Variants in GNA13 observed in about 807,000 individuals in gnomAD.
GNA13 encodes the protein guanine nucleotide-binding protein subunit alpha-13.
GNA13 carries 4 observed loss-of-function variants against 33.5 expected under a neutral mutation model. That is an observed-to-expected ratio of 0.12 (90% CI 0.06 to 0.27). The LOEUF (loss-of-function observed/expected upper bound fraction) is 0.27. Among genes scored for constraint, GNA13 ranks in the 10% least tolerant of loss-of-function variants. GNA13 has a pLI of 1.00. For missense variants in GNA13, 319 were observed against 487.2 expected, an observed-to-expected ratio of 0.65 and a Z score of 3.25; for synonymous variants, 176 against 183.8, an observed-to-expected ratio of 0.96 and a Z score of 0.34.
chr17:65,031,800 T>C (rs1036575968), intron 2 of GNA13, among the ~76,000 whole-genome samples: 1 of 148,768 alleles, frequency 6.7e-6, no homozygotes, highest in African/African-American at 2.5e-5. Context: ...TTCCAGCTAC[T>C]CAGGAGGCTG....
At position 65,009,632 on chromosome 17, in the gene GNA13, C is replaced by T. The variant is rs78234127; in HGVS notation, c.*4625G>A. 1.7e-3 allele frequency among the ~76,000 whole-genome samples: 264 copies of T among 152,186 alleles called. 1 individual carries two copies. Among genetic ancestry groups the T allele is most frequent in the African/African-American group, 5.9e-3 (244 of 41,534 alleles). On this transcript the variant is annotated 3_prime_UTR_variant, in exon 4 of 4. Coordinates refer to ENST00000439174, the MANE Select transcript of GNA13 (RefSeq NM_006572.6). ...CATGTTTTGTTAGGTACAGTATCTA[C>T]GGGGTTATTACAAAATATACTTTTT... is the stretch of plus-strand genomic sequence containing the variant.
At chr17:65,056,151 C>CA (rs1384205803) in intron 1 of GNA13, among the ~76,000 whole-genome samples, 160 bp downstream of exon 1, 4 of 151,822 alleles carry the variant, frequency 2.6e-5, no homozygotes, top group African/African-American at 9.7e-5. Flanking sequence ...CCCGGGCGGG[C>CA]AGGGCCAGTT....
Position 65,012,397 on chromosome 17 carries a change from A to G in GNA13, c.*1860T>C, listed in dbSNP as rs1040303354. Reference sequence around the variant, plus strand: ...CAATTATGCTAATTTTGTGAATTTAAACAATGTATTCTTTTTGGCAAGAAG... The same window carrying G: ...CAATTATGCTAATTTTGTGAATTTAGACAATGTATTCTTTTTGGCAAGAAG... On this transcript the variant is annotated 3_prime_UTR_variant, in exon 4 of 4. Transcript: ENST00000439174. 2 of 222,388 alleles carry G rather than the reference A, an allele frequency of 9.0e-6. No homozygotes were observed. The highest frequency in any genetic ancestry group is 1.8e-5 in the Non-Finnish European group (2 of 111,428). 13.8% of individuals were successfully genotyped at this position (222,388 alleles called of 1,614,324 possible).
At chr17:65,043,965 C>CA (rs1459669217) in intron 2 of GNA13, among the ~76,000 whole-genome samples, 1 of 152,024 alleles carries the variant, frequency 6.6e-6, no homozygotes, top group South Asian at 2.1e-4. Context: ...CTGAAAATAA[C>CA]AAAAAAACTA....
At chr17:65,039,514 C>A (rs538916286) in intron 2 of GNA13, among the ~76,000 whole-genome samples, 1 of 152,322 alleles carries the variant, frequency 6.6e-6, no homozygotes, top group South Asian at 2.1e-4. Context: ...CACTCCTCCA[C>A]CCTGGCCTGG....
intron 2 of GNA13, among the ~76,000 whole-genome samples, chr17:65,026,539 G>T (rs1906791119): frequency 6.6e-6 from 1 of 152,068 alleles, no homozygotes; most frequent in African/African-American, 2.4e-5. Flanking sequence ...TATAATTAAA[G>T]AAATAATTTT....
intron 3 of GNA13, among the ~76,000 whole-genome samples, chr17:65,016,540 C>T (rs554331213): frequency 6.6e-6 from 1 of 152,170 alleles, no homozygotes; most frequent in Admixed American, 6.5e-5. Flanking sequence ...CTTTGTATTT[C>T]TAGTAAAGAC....
chr17:65,010,046 A>C lies in GNA13; in HGVS notation c.*4211T>G, dbSNP rs1598475167. ...ACAGCAGATTTGTATATGTCACAAAACTCTCCTTATCAAGACATAAAATAT... is the reference window on the plus strand; with the variant it reads ...ACAGCAGATTTGTATATGTCACAAACCTCTCCTTATCAAGACATAAAATAT... On this transcript the variant is annotated 3_prime_UTR_variant, in exon 4 of 4. Coordinates refer to ENST00000439174, the MANE Select transcript of GNA13 (RefSeq NM_006572.6). Among the ~76,000 whole-genome samples the C allele has an allele frequency of 6.6e-6, 1 of 152,112 alleles. No individual in the cohort carries two copies. The highest frequency in any genetic ancestry group is 2.4e-5 in the African/African-American group (1 of 41,410).
chr17:65,056,258 G>GCCCCC, intron 1 of GNA13, 53 bp downstream of exon 1: 2 of 574,312 alleles, frequency 3.5e-6, no homozygotes, highest in Non-Finnish European at 5.9e-6. Context: ...CGCACCCGCC[G>GCCCCC]CCGCCCCAGC....
chr17:65,012,303 G>A lies in GNA13; in HGVS notation c.*1954C>T, dbSNP rs1906218285. The A allele has an allele frequency of 4.5e-6, 1 of 223,504 alleles. No individual in the cohort carries two copies. The highest frequency in any genetic ancestry group is 5.7e-5 in the Admixed American group (1 of 17,444). The allele number at this position is 223,504 out of a possible 1,614,324, so 13.8% of individuals were successfully genotyped here. ...GTTTTGGCCATTCAATTTGCTAAATGTATGGGTAAACTCTCCAATGAATAG... is the reference window on the plus strand; with the variant it reads ...GTTTTGGCCATTCAATTTGCTAAATATATGGGTAAACTCTCCAATGAATAG... On this transcript the variant is annotated 3_prime_UTR_variant, in exon 4 of 4. Coordinates refer to ENST00000439174, the MANE Select transcript of GNA13 (RefSeq NM_006572.6).
chr17:65,031,921 AGTGTGTGTGTGTGTGTGTGT>A (rs148637639), intron 2 of GNA13, among the ~76,000 whole-genome samples: 2 of 91,624 alleles, frequency 2.2e-5, no homozygotes, highest in African/African-American at 9.8e-5. Flanking sequence ...AGAGAGAGAG[AGTGTGTGTGTGTGTGTGTGT>A]GTGTGTGTGT....
chr17:65,042,172 A>G (rs1907479185), intron 2 of GNA13, among the ~76,000 whole-genome samples: 1 of 152,088 alleles, frequency 6.6e-6, no homozygotes, highest in African/African-American at 2.4e-5. Context: ...CAGCCTGACC[A>G]AAATGGAGAA....
chr17:65,018,161 T>G, intron 3 of GNA13, 92 bp downstream of exon 3: 1 of 344,176 alleles, frequency 2.9e-6, no homozygotes, highest in Non-Finnish European at 5.7e-6. Flanking sequence ...GCAAATAGCT[T>G]AATACATAAT....
intron 2 of GNA13, among the ~76,000 whole-genome samples, chr17:65,042,357 C>CA (rs369887415): frequency 0.032 from 2,008 of 62,134 alleles, 26 homozygotes; most frequent in African/African-American, 0.06. Context: ...AACTCCGTCT[C>CA]AAAAAAAAAA....
At chr17:65,034,976 A>G (rs1907191072) in intron 2 of GNA13, among the ~76,000 whole-genome samples, 1 of 151,900 alleles carries the variant, frequency 6.6e-6, no homozygotes, top group Admixed American at 6.6e-5. Context: ...GTAGAGATGG[A>G]GTTTCTCCAT....
intron 1 of GNA13, chr17:65,055,714 C>CA: frequency 1.0e-6 from 1 of 985,390 alleles, no homozygotes; most frequent in Non-Finnish European, 1.2e-6. Flanking sequence ...TATTCTCGCC[C>CA]AAAAGGAGGC....
intron 1 of GNA13, 72 bp downstream of exon 1, chr17:65,056,239 G>GCCCGGGC: frequency 1.1e-6 from 1 of 936,172 alleles, no homozygotes; most frequent in Admixed American, 2.2e-5. Context: ...CCAGGGCGGT[G>GCCCGGGC]CCCCGCCCCG....
At position 65,047,124 on chromosome 17, in the gene GNA13, C is replaced by G. The variant is rs566300531; in HGVS notation, c.510+6378G>C. On this transcript the variant is annotated intron_variant, in intron 2 of 3. Transcript: ENST00000439174. ...AAAAAGAAAAAAACTTCATTTTTAA[C>G]GTAAATAAACATAAAGCTCTGGGTT... is the stretch of plus-strand genomic sequence containing the variant. 5.5e-4 allele frequency among the ~76,000 whole-genome samples: 83 copies of G among 152,218 alleles called. 1 individual carries two copies. Among genetic ancestry groups the G allele is most frequent in the Non-Finnish European group, 1.1e-3 (74 of 67,992 alleles).
At chr17:65,026,167 C>T (rs1906775010) in intron 2 of GNA13, among the ~76,000 whole-genome samples, 2 of 151,356 alleles carry the variant, frequency 1.3e-5, no homozygotes, top group Admixed American at 1.3e-4. Context: ...ATTTTATACT[C>T]CCAAAATAAG....
Sources: gnomAD v4.1 joint callset for allele counts (sites outside exome capture counted in the v4.1 genomes callset) on GRCh38, gnomAD v4.1.1 for gene constraint, MANE v1.5 for transcripts, NCBI Gene and HGNC (gene_info 2026-07-23, HGNC 2026-07-21) for gene names.